The following ELP4 variants were observed in gnomAD, a reference collection of about 807,000 sequenced individuals.
The protein encoded by ELP4 is elongator acetyltransferase complex subunit 4, also known as elongator complex protein 4.
ELP4 carries 51 observed loss-of-function variants against 48.9 expected under a neutral mutation model. The observed-to-expected ratio is 1.04, with a 90% CI of 0.83 to 1.32. ELP4 has a LOEUF of 1.32. Among genes scored for constraint, ELP4 ranks in the 40% most tolerant of loss-of-function variants. The pLI is 0.00. For missense variants in ELP4, 519 were observed against 514.6 expected (o/e 1.01, Z -0.08); for synonymous variants, 210 against 189.2 (o/e 1.11, Z -0.90).
At chr11:31,620,945 G>T (rs1014169252) in intron 5 of ELP4, among the ~76,000 whole-genome samples, 1 of 151,830 alleles carries the variant, frequency 6.6e-6, no homozygotes, top group African/African-American at 2.4e-5. Context: ...ATCAAACTCA[G>T]TATTCTTAGC....
At chr11:31,734,755 G>C (rs1050707377) in intron 9 of ELP4, among the ~76,000 whole-genome samples, 4 of 152,194 alleles carry the variant, frequency 2.6e-5, no homozygotes, top group African/African-American at 9.7e-5. Flanking sequence ...TCATAGATTG[G>C]AAGACTTGAT....
At chr11:31,621,346 C>T (rs562840624) in intron 5 of ELP4, among the ~76,000 whole-genome samples, 186 of 151,932 alleles carry the variant, frequency 1.2e-3, no homozygotes, top group African/African-American at 4.4e-3. Context: ...GTAGTTAAAT[C>T]AATACTTAAA....
chr11:31,743,138 C>A (rs893433276), intron 9 of ELP4, among the ~76,000 whole-genome samples: 4 of 151,884 alleles, frequency 2.6e-5, no homozygotes, highest in Non-Finnish European at 5.9e-5. Context: ...CCAACAAAGA[C>A]CAAAAGAGAC....
intron 3 of ELP4, among the ~76,000 whole-genome samples, chr11:31,584,459 T>C (rs1957440271): frequency 6.6e-6 from 1 of 152,066 alleles, no homozygotes; most frequent in African/African-American, 2.4e-5. Flanking sequence ...AGGAAAATAA[T>C]AGAGAACCAA....
At chr11:31,634,630 AGATAACT>A (rs11272775) in intron 7 of ELP4, among the ~76,000 whole-genome samples, 24,442 of 151,826 alleles carry the variant, frequency 0.16, 2,114 homozygotes, top group East Asian at 0.3. Context: ...CAGCCTATCT[AGATAACT>A]GATTAAATAA....
chr11:31,594,539 G>A (rs1483213761), intron 3 of ELP4, among the ~76,000 whole-genome samples: 2 of 151,860 alleles, frequency 1.3e-5, no homozygotes, highest in African/African-American at 4.8e-5. Context: ...ATAGAAATTT[G>A]GATATTTTCT....
At chr11:31,546,238 C>G (rs1366965695) in intron 3 of ELP4, among the ~76,000 whole-genome samples, 2 of 151,764 alleles carry the variant, frequency 1.3e-5, no homozygotes, top group African/African-American at 2.4e-5. Context: ...TTCAGGAAAC[C>G]CATCTCACAT....
chr11:31,729,620 TA>T (rs1412232207), intron 9 of ELP4, among the ~76,000 whole-genome samples: 1 of 152,208 alleles, frequency 6.6e-6, no homozygotes, highest in Non-Finnish European at 1.5e-5. Context: ...TCTATATGCA[TA>T]AATGCTTCAG....
rs1955947550 is a variant in ELP4, at chr11:31,509,859, C to T, written c.75C>T (p.Asn25=). The T allele has an allele frequency of 6.2e-7, 1 of 1,614,052 alleles. No homozygotes were observed. The highest frequency in any genetic ancestry group is 1.1e-5 in the South Asian group (1 of 91,080). The change falls in exon 1 of 10, where the codon AAC becomes AAT. Residue 25 remains asparagine, a synonymous_variant. Transcript: ENST00000640961. ...GSAVATASKS[N]VTSFQRRGPR... The stretch of plus-strand genomic sequence containing the variant: ...CAGTGGCGACAGCCAGCAAGAGCAA[C>T]GTCACCAGTTTCCAGAGGAGGGGTC...
At position 31,647,846 on chromosome 11, in the gene ELP4, C is replaced by G. The variant is rs1194952518; in HGVS notation, c.1033C>G (p.His345Asp). ...AACTAACCCATTGTATAAGGATTAT[C>G]ATGGTAAGTACAACCTTCATAATGA... ...RETNPLYKDY[H>D]GLIHIRQIPR... Residue 345 changes from histidine (H) to aspartate (D), a missense_variant, in exon 8 of 10, where the codon CAT (histidine) becomes GAT (aspartate). Coordinates refer to ENST00000640961, the MANE Select transcript of ELP4 (RefSeq NM_019040.5). 1 of 1,562,184 alleles carries G rather than the reference C, an allele frequency of 6.4e-7. No individual in the cohort carries two copies. The highest frequency in any genetic ancestry group is 1.7e-5 in the Admixed American group (1 of 59,688).
At chr11:31,566,337 G>A (rs543215692) in intron 3 of ELP4, among the ~76,000 whole-genome samples, 11 of 151,622 alleles carry the variant, frequency 7.3e-5, no homozygotes, top group East Asian at 3.9e-4. Context: ...TATCCTGGGC[G>A]TCAGAGCGAG....
At chr11:31,595,825 A>AC (rs1957661210) in intron 4 of ELP4, among the ~76,000 whole-genome samples, 1 of 152,334 alleles carries the variant, frequency 6.6e-6, no homozygotes. Flanking sequence ...ATAAGCTCGC[A>AC]ATATGAAATA....
At chr11:31,750,454 C>A (rs564366019) in intron 9 of ELP4, among the ~76,000 whole-genome samples, 25 of 152,004 alleles carry the variant, frequency 1.6e-4, no homozygotes, top group Non-Finnish European at 3.4e-4. Flanking sequence ...TCTCTCTTCC[C>A]TGTCACGGTG....
intron 9 of ELP4, among the ~76,000 whole-genome samples, chr11:31,774,081 G>C (rs1468434382): frequency 6.6e-6 from 1 of 152,196 alleles, no homozygotes; most frequent in Non-Finnish European, 1.5e-5. Flanking sequence ...CGGAGGCTTT[G>C]GGAGGATTGC....
chr11:31,542,630 A>T (rs886574925), intron 3 of ELP4, among the ~76,000 whole-genome samples: 1 of 152,346 alleles, frequency 6.6e-6, no homozygotes, highest in African/African-American at 2.4e-5. Flanking sequence ...CTGTCTAATG[A>T]GGCTTAAAAA....
At chr11:31,600,161 A>G (rs972704526) in intron 4 of ELP4, 19 of 152,222 alleles carry the variant, frequency 1.2e-4, no homozygotes, top group African/African-American at 4.6e-4. Context: ...AGTAAAGCAT[A>G]AAACAGTGCT....
intron 2 of ELP4, among the ~76,000 whole-genome samples, chr11:31,531,203 T>C (rs1055970127): frequency 6.6e-6 from 1 of 152,228 alleles, no homozygotes; most frequent in Non-Finnish European, 1.5e-5. Flanking sequence ...AGAATATATG[T>C]GTATATGTGT....
chr11:31,520,853 T>C (rs1956201848), intron 2 of ELP4, among the ~76,000 whole-genome samples: 1 of 152,082 alleles, frequency 6.6e-6, no homozygotes, highest in African/African-American at 2.4e-5. Flanking sequence ...TTCACACACC[T>C]CACTGTTCTG....
intron 7 of ELP4, among the ~76,000 whole-genome samples, chr11:31,635,270 T>TG (rs999536592): frequency 6.6e-6 from 1 of 152,006 alleles, no homozygotes; most frequent in African/African-American, 2.4e-5. Flanking sequence ...ACCAGGGCAC[T>TG]GTGAGTTTAT....
Sources: allele counts gnomAD v4.1 joint callset (sites outside exome capture counted in the v4.1 genomes callset), GRCh38; gene constraint gnomAD v4.1.1; transcripts MANE v1.5; gene names NCBI Gene and HGNC (gene_info 2026-07-23, HGNC 2026-07-21).